Variants in FMNL2 observed in about 807,000 individuals in gnomAD.
The protein encoded by FMNL2 is formin-like protein 2.
FMNL2 carries 51 observed loss-of-function variants against 130.2 expected under a neutral mutation model. The ratio of observed to expected loss-of-function variants is 0.39; its 90% CI spans 0.31 to 0.49. The LOEUF (loss-of-function observed/expected upper bound fraction) is 0.49, where lower values mean the gene tolerates loss of function less well. FMNL2 is among the 20% of genes least tolerant of loss of function. FMNL2 has a pLI of 0.85. For synonymous variants in FMNL2, 465 were observed against 467.1 expected (o/e 1.00, Z 0.06); for missense variants, 977 against 1,316.2 (o/e 0.74, Z 3.99).
chr2:152,614,271 C>T (rs1698829115), intron 11 of FMNL2, among the ~76,000 whole-genome samples: 1 of 152,172 alleles, frequency 6.6e-6, no homozygotes, highest in African/African-American at 2.4e-5. Context: ...AAATGTTTTA[C>T]ATAGGAATAT....
intron 1 of FMNL2, among the ~76,000 whole-genome samples, chr2:152,413,406 G>C (rs1179738175): frequency 6.6e-6 from 1 of 152,014 alleles, no homozygotes. Flanking sequence ...ACCTAACAAT[G>C]GTCTTTATCC....
rs1695584276 is a variant in FMNL2, at chr2:152,562,432, GT to G, written c.596+1399del. ...TGTGGCTTTCAGACCTTTGGATTTG[GT>G]TGTCTAATTACCTCTTGTCCCTTTG... On this transcript the variant is annotated intron_variant, in intron 6 of 25. Coordinates refer to ENST00000288670, the MANE Select transcript of FMNL2 (RefSeq NM_052905.4). Among the ~76,000 whole-genome samples the G allele has an allele frequency of 2.0e-5, 3 of 152,178 alleles. No homozygotes were observed. The South Asian group carries it at 6.2e-4, about 32-fold the overall frequency.
At chr2:152,459,323 T>C (rs184909883) in intron 1 of FMNL2, among the ~76,000 whole-genome samples, 42 of 152,366 alleles carry the variant, frequency 2.8e-4, no homozygotes, top group African/African-American at 9.9e-4. Flanking sequence ...AGGTCTTTCA[T>C]GAATATGCCA....
chr2:152,449,652 T>C (rs1688526252), intron 1 of FMNL2, among the ~76,000 whole-genome samples: 1 of 152,202 alleles, frequency 6.6e-6, no homozygotes, highest in Non-Finnish European at 1.5e-5. Context: ...TGTTCCTACT[T>C]GTGGCCTTGT....
chr2:152,533,584 T>A (rs1693828562), intron 2 of FMNL2, among the ~76,000 whole-genome samples: 1 of 150,878 alleles, frequency 6.6e-6, no homozygotes, highest in African/African-American at 2.4e-5. Context: ...TTATTTTGGC[T>A]ATTCTAGTTC....
At chr2:152,347,762 A>G (rs1471473029) in intron 1 of FMNL2, among the ~76,000 whole-genome samples, 1 of 152,138 alleles carries the variant, frequency 6.6e-6, no homozygotes, top group Non-Finnish European at 1.5e-5. Flanking sequence ...TATTCCAGAC[A>G]TTATTAATAG....
Position 152,637,643 on chromosome 2 carries a change from C to T in FMNL2, c.2915C>T (p.Pro972Leu). The T allele has an allele frequency of 1.2e-6, 2 of 1,613,986 alleles. No individual in the cohort carries two copies. Among genetic ancestry groups the T allele is most frequent in the Non-Finnish European group, 1.7e-6 (2 of 1,179,858 alleles). Residue 972 changes from proline to leucine, a missense_variant, in exon 23 of 26, where the codon CCT (proline) becomes CTT (leucine). Pro to Leu is a moderately conservative substitution (Grantham distance 98). Coordinates refer to ENST00000288670, the MANE Select transcript of FMNL2 (RefSeq NM_052905.4). ...ACAACACCACCCTCTGTCTTCTTTC[C>T]TGTCTTTGTCCGGTTTGTGAAAGCA... ...PKTTPPSVFF[P>L]VFVRFVKAYK...
intron 1 of FMNL2, among the ~76,000 whole-genome samples, chr2:152,421,102 T>A (rs1172574779): frequency 6.6e-6 from 1 of 152,172 alleles, no homozygotes; most frequent in Non-Finnish European, 1.5e-5. Context: ...AACAACGCCC[T>A]GCCCAGCCCC....
intron 9 of FMNL2, among the ~76,000 whole-genome samples, chr2:152,584,567 G>T (rs372152573): frequency 3.9e-5 from 6 of 152,172 alleles, no homozygotes; most frequent in African/African-American, 4.8e-5. Flanking sequence ...ATAGCCAAGC[G>T]TACTAACGCA....
chr2:152,527,946 A>G (rs1390855167), intron 2 of FMNL2, among the ~76,000 whole-genome samples: 2 of 152,182 alleles, frequency 1.3e-5, no homozygotes, highest in Non-Finnish European at 2.9e-5. Context: ...AAGTGCATGC[A>G]AAAGGTTTTT....
Position 152,459,775 on chromosome 2 carries a change from G to A in FMNL2, c.118-62168G>A, listed in dbSNP as rs76016850. On this transcript the variant is annotated intron_variant, in intron 1 of 25. Transcript: ENST00000288670. ...ATCTATTGAGTTGCATACTTTAAAT[G>A]GGTGCTTTGTATGGTATGTGAAATA... Among the ~76,000 whole-genome samples the A allele has an allele frequency of 4.7e-3, 713 of 152,248 alleles. 5 individuals carry two copies. The highest frequency in any genetic ancestry group is 0.016 in the African/African-American group (678 of 41,554).
intron 6 of FMNL2, among the ~76,000 whole-genome samples, chr2:152,565,398 G>A (rs984143773): frequency 8.5e-5 from 13 of 152,240 alleles, no homozygotes; most frequent in South Asian, 2.1e-4. Flanking sequence ...ATAAAGATCA[G>A]GTGTGCTAGG....
chr2:152,473,101 G>C (rs1689947857), intron 1 of FMNL2, among the ~76,000 whole-genome samples: 1 of 152,210 alleles, frequency 6.6e-6, no homozygotes, highest in Admixed American at 6.5e-5. Context: ...GTGACCTTGA[G>C]ATCATTCTAT....
chr2:152,513,563 G>T (rs1195897362), intron 1 of FMNL2, among the ~76,000 whole-genome samples: 3 of 152,146 alleles, frequency 2.0e-5, no homozygotes, highest in Non-Finnish European at 2.9e-5. Flanking sequence ...AGAACAGAAT[G>T]AATGTATCAC....
At chr2:152,609,524 A>G (rs1255690674) in intron 10 of FMNL2, among the ~76,000 whole-genome samples, 5 of 152,216 alleles carry the variant, frequency 3.3e-5, no homozygotes, top group African/African-American at 1.2e-4. Context: ...GGACAAAAGA[A>G]AACAAAAACC....
chr2:152,434,051 G>A (rs1332517395), intron 1 of FMNL2, among the ~76,000 whole-genome samples: 2 of 152,244 alleles, frequency 1.3e-5, no homozygotes, highest in African/African-American at 4.8e-5. Context: ...TGAGGGGAAA[G>A]TTGGCTGGGT....
chr2:152,452,356 GAAC>G (rs1179364839), intron 1 of FMNL2, among the ~76,000 whole-genome samples: 1 of 152,184 alleles, frequency 6.6e-6, no homozygotes, highest in Non-Finnish European at 1.5e-5. Context: ...TAGCATTTCA[GAAC>G]AACAGAAGCT....
At chr2:152,434,516 A>G (rs1687645856) in intron 1 of FMNL2, among the ~76,000 whole-genome samples, 1 of 152,158 alleles carries the variant, frequency 6.6e-6, no homozygotes, top group South Asian at 2.1e-4. Context: ...TGGCTTGGAC[A>G]TAAGCTGGAT....
chr2:152,526,916 T>C (rs1046486817), intron 2 of FMNL2, among the ~76,000 whole-genome samples: 2 of 152,176 alleles, frequency 1.3e-5, no homozygotes, highest in African/African-American at 2.4e-5. Context: ...AATTTCTTAA[T>C]ATCTCCTGTT....
Sources: gnomAD v4.1 joint callset for allele counts (sites outside exome capture counted in the v4.1 genomes callset) on GRCh38, gnomAD v4.1.1 for gene constraint, MANE v1.5 for transcripts, NCBI Gene and HGNC (gene_info 2026-07-23, HGNC 2026-07-21) for gene names.